BSN: variants seen among roughly 807,000 people sequenced by gnomAD.
The protein encoded by BSN is bassoon presynaptic cytomatrix protein, also known as protein bassoon.
In BSN, 57 loss-of-function variants were observed where a neutral mutation model predicts 264.8. The ratio of observed to expected loss-of-function variants is 0.22; its 90% CI spans 0.17 to 0.27. The LOEUF is 0.27. Among genes scored for constraint, BSN ranks in the 10% least tolerant of loss-of-function variants. BSN has a pLI of 1.00. For synonymous variants in BSN, 2,059 were observed against 2,137.3 expected (o/e 0.96, Z 1.01); for missense variants, 4,615 against 5,232.5 (o/e 0.88, Z 3.64).
At position 49,642,946 on chromosome 3, in the gene BSN, C is replaced by T; in HGVS notation, c.1312C>T (p.Pro438Ser). Residue 438 changes from proline to serine, a missense_variant, in exon 3 of 12, where the codon CCA becomes TCA. Pro to Ser is a moderately conservative substitution (Grantham distance 74). Coordinates refer to ENST00000296452, the MANE Select transcript of BSN (RefSeq NM_003458.4). The surrounding 1 kb of genome is among the most constrained non-coding windows in gnomAD (Gnocchi z 7.0). ...GCCGAAAACTGGGGGAACAACCAGT[C>T]CAAAGCATGGCAGAGCAGAACATCA... The part of the protein sequence containing the change: ...ALPKTGGTTS[P>S]KHGRAEHQAA... The T allele has an allele frequency of 6.2e-7, 1 of 1,614,106 alleles. No individual in the cohort carries two copies. Among genetic ancestry groups the T allele is most frequent in the South Asian group, 1.1e-5 (1 of 91,088 alleles).
chr3:49,653,012 G>C lies in BSN; in HGVS notation c.3456G>C (p.Glu1152Asp), dbSNP rs745787833. 1.2e-6 allele frequency: 2 copies of C among 1,613,614 alleles called. No individual in the cohort carries two copies. Among genetic ancestry groups the C allele is most frequent in the Non-Finnish European group, 1.7e-6 (2 of 1,179,966 alleles). Residue 1152 changes from glutamate (E) to aspartate (D), a missense_variant, in exon 5 of 12, where the codon GAG becomes GAC. Transcript: ENST00000296452. This position sits in a 1 kb window ranked among gnomAD's most constrained non-coding sequence, Gnocchi z 6.3. Reference protein sequence around the residue: ...GPSRLYKSGSEYNLPTFMSLY... With the variant: ...GPSRLYKSGSDYNLPTFMSLY... ...GCCGGCTTTACAAGTCAGGCAGTGA[G>C]TACAACCTGCCCACCTTCATGTCCC... is the stretch of plus-strand genomic sequence containing the variant.
In BSN at chr3:49,614,283, TCTC is replaced by T. The variant is rs370637542; in HGVS notation, c.225-10689_225-10687del. Among the ~76,000 whole-genome samples, 52 of 152,088 alleles carry T rather than the reference TCTC, an allele frequency of 3.4e-4. No homozygotes were observed. In the East Asian group the frequency reaches 8.9e-3, roughly 26 times the overall value. Reference sequence around the variant, plus strand: ...ACCGTGTTAGCCAGGATGGTCTTGATCTCCTGACCTCGTGATCCACCCGCCTTG... The same window carrying T: ...ACCGTGTTAGCCAGGATGGTCTTGATCTGACCTCGTGATCCACCCGCCTTG... On this transcript the variant is annotated intron_variant, in intron 1 of 11. Coordinates refer to ENST00000296452, the MANE Select transcript of BSN (RefSeq NM_003458.4).
At chr3:49,583,817 A>G (rs186230133) in intron 1 of BSN, among the ~76,000 whole-genome samples, 56 of 152,200 alleles carry the variant, frequency 3.7e-4, no homozygotes, top group African/African-American at 1.2e-3. Context: ...AATTTCATCT[A>G]AATTACCTAA....
intron 1 of BSN, among the ~76,000 whole-genome samples, chr3:49,588,473 T>G (rs1047004194): frequency 8.5e-5 from 13 of 152,134 alleles, no homozygotes; most frequent in African/African-American, 3.1e-4. Flanking sequence ...TTTTGAGGGT[T>G]TTTTTTAAAA....
chr3:49,557,678 C>T (rs952909207), intron 1 of BSN, among the ~76,000 whole-genome samples: 6 of 151,380 alleles, frequency 4.0e-5, no homozygotes, highest in African/African-American at 1.5e-4. Flanking sequence ...TCTGGGTTCA[C>T]GCCATTCTCC....
chr3:49,658,152 G>C lies in BSN; in HGVS notation c.8596G>C (p.Glu2866Gln), dbSNP rs770241986. The C allele has an allele frequency of 6.3e-7, 1 of 1,598,202 alleles. No homozygotes were observed. The highest frequency in any genetic ancestry group is 8.5e-7 in the Non-Finnish European group (1 of 1,169,746). The change falls in exon 5 of 12, where the codon GAG becomes CAG. Residue 2866 changes from glutamate (E) to glutamine (Q), a missense_variant. Coordinates refer to ENST00000296452, the MANE Select transcript of BSN (RefSeq NM_003458.4). Reference sequence around the variant, plus strand: ...CCCCACCGCCGAAGAGTCTGCCAAAGAGAGATTCTCCCTCTACCAGCACCA... The same window carrying C: ...CCCCACCGCCGAAGAGTCTGCCAAACAGAGATTCTCCCTCTACCAGCACCA... ...LSPTAEESAK[E>Q]RFSLYQHQGG...
chr3:49,609,276 T>C (rs1027168553), intron 1 of BSN, among the ~76,000 whole-genome samples: 1 of 151,512 alleles, frequency 6.6e-6, no homozygotes, highest in African/African-American at 2.4e-5. Flanking sequence ...TAATTTTTTT[T>C]TTTTTTTGTA....
intron 2 of BSN, among the ~76,000 whole-genome samples, chr3:49,636,012 C>T (rs1438857541): frequency 2.0e-5 from 3 of 152,006 alleles, no homozygotes; most frequent in Admixed American, 2.0e-4. Context: ...CAGTATACTT[C>T]CCACTAAGCA....
chr3:49,641,429 C>T (rs927651111), intron 2 of BSN, among the ~76,000 whole-genome samples: 2 of 152,228 alleles, frequency 1.3e-5, no homozygotes, highest in African/African-American at 4.8e-5. Context: ...CTAACCGACT[C>T]TGTTTGCCAG....
Position 49,554,744 on chromosome 3 carries a change from G to C in BSN, c.142G>C (p.Ala48Pro). 1 of 1,228,958 alleles carries C rather than the reference G, an allele frequency of 8.1e-7. No individual in the cohort carries two copies. Among genetic ancestry groups the C allele is most frequent in the Non-Finnish European group, 1.0e-6 (1 of 983,742 alleles). 76.1% of individuals were successfully genotyped at this position (1,228,958 alleles called of 1,614,324 possible). ...SAPAGGGQLP[A>P]AGAARSTAVP... ...ACCGGCCGGTGGCGGACAGCTCCCCGCGGCGGGAGCAGCGCGGTCGACCGC... is the reference window on the plus strand; with the variant it reads ...ACCGGCCGGTGGCGGACAGCTCCCCCCGGCGGGAGCAGCGCGGTCGACCGC... The change falls in exon 1 of 12, where the codon GCG (alanine) becomes CCG (proline). Residue 48 changes from alanine to proline, a missense_variant. By Grantham distance (27) the Ala-to-Pro change is conservative. Coordinates refer to ENST00000296452, the MANE Select transcript of BSN (RefSeq NM_003458.4).
rs766552409 is a variant in BSN, at chr3:49,554,794, CCCCGGCCCCGGT to C, written c.201_212del (p.Pro71_Gly74del). On this transcript the variant is annotated inframe_deletion, in exon 1 of 12. Coordinates refer to ENST00000296452, the MANE Select transcript of BSN (RefSeq NM_003458.4). ...CGGTACCACCGGTCCCTGGCCCCGG[CCCCGGCCCCGGT>C]CCCGGCCCTGGCCCGGGCAGGTAAG... 3 of 1,223,270 alleles carry C rather than the reference CCCCGGCCCCGGT, an allele frequency of 2.5e-6. No individual in the cohort carries two copies. The highest frequency in any genetic ancestry group is 2.0e-6 in the Non-Finnish European group (2 of 982,940). The allele number at this position is 1,223,270 out of a possible 1,614,324, so 75.8% of individuals were successfully genotyped here.
chr3:49,666,741 C>A (rs776305735), intron 11 of BSN, among the ~76,000 whole-genome samples: 23 of 151,984 alleles, frequency 1.5e-4, no homozygotes, highest in Non-Finnish European at 2.6e-4. Context: ...ATAGCCAGGG[C>A]CACAGTGGAG....
At chr3:49,592,816 T>C (rs996443498) in intron 1 of BSN, among the ~76,000 whole-genome samples, 2 of 152,074 alleles carry the variant, frequency 1.3e-5, no homozygotes, top group Non-Finnish European at 2.9e-5. Context: ...TTCGCAGTGG[T>C]AATGTTTAGC....
chr3:49,654,595 C>G lies in BSN; in HGVS notation c.5039C>G (p.Thr1680Ser). 6.2e-7 allele frequency: 1 copy of G among 1,612,960 alleles called. No homozygotes were observed. Among genetic ancestry groups the G allele is most frequent in the Non-Finnish European group, 8.5e-7 (1 of 1,179,298 alleles). The change falls in exon 5 of 12, where the codon ACT becomes AGT. Residue 1680 changes from threonine (T) to serine (S), a missense_variant. Coordinates refer to ENST00000296452, the MANE Select transcript of BSN (RefSeq NM_003458.4). The surrounding 1 kb of genome is among the most constrained non-coding windows in gnomAD (Gnocchi z 4.1). The stretch of plus-strand genomic sequence containing the variant: ...GTCAAGCCCACTCCCATCATCCTCA[C>G]TGACCAGGGCATGGACCTCACCTCT... ...TAVKPTPIIL[T>S]DQGMDLTSLA...
rs2052749228 is a variant in BSN at position 49,670,827 on chromosome 3, C to T, written c.*3342C>T. The T allele has an allele frequency of 6.6e-6, 1 of 152,282 alleles. No individual in the cohort carries two copies. The highest frequency in any genetic ancestry group is 1.5e-5 in the Non-Finnish European group (1 of 68,070). The allele number at this position is 152,282 out of a possible 1,614,324, so 9.4% of individuals were successfully genotyped here. On this transcript the variant is annotated 3_prime_UTR_variant, in exon 12 of 12. Coordinates refer to ENST00000296452, the MANE Select transcript of BSN (RefSeq NM_003458.4). ...GGTCTGAGGGCCCACAGTGAAAGAACAGCAGTGGTGGCAACTATGCCTTGC... is the reference window on the plus strand; with the variant it reads ...GGTCTGAGGGCCCACAGTGAAAGAATAGCAGTGGTGGCAACTATGCCTTGC...
chr3:49,556,898 C>T (rs766084916), intron 1 of BSN, among the ~76,000 whole-genome samples: 1 of 152,168 alleles, frequency 6.6e-6, no homozygotes, highest in Admixed American at 6.5e-5. Flanking sequence ...TTTTGAATTT[C>T]GGGGCAGTCA....
At position 49,650,747 on chromosome 3, in the gene BSN, C is replaced by T. The variant is rs903477284; in HGVS notation, c.1654C>T (p.Pro552Ser). ...GAPHRASGTS[P>S]LKQKGPQGLG... ...CCCTCACCGTGCATCTGGAACATCC[C>T]CTCTGAAGCAGAAAGGGCCACAGGG... Residue 552 changes from proline (P) to serine (S), a missense_variant, in exon 4 of 12, where the codon CCT becomes TCT. Physicochemically the swap from Pro to Ser is moderately conservative, Grantham distance 74. Coordinates refer to ENST00000296452, the MANE Select transcript of BSN (RefSeq NM_003458.4). 1 of 1,613,698 alleles carries T rather than the reference C, an allele frequency of 6.2e-7. No homozygotes were observed. Among genetic ancestry groups the T allele is most frequent in the South Asian group, 1.1e-5 (1 of 91,084 alleles).
chr3:49,661,052 G>C lies in BSN; in HGVS notation c.9207G>C (p.Gly3069=). Residue 3069 remains glycine (G), a synonymous_variant, in exon 6 of 12, where the codon GGG becomes GGC. Coordinates refer to ENST00000296452, the MANE Select transcript of BSN (RefSeq NM_003458.4). ...CACAGTATTCTGCAGGCAGTGGTGG[G>C]CCAACTCAGAACGGATTCCCAGCCC... The part of the protein sequence containing the change: ...PAPQYSAGSG[G]PTQNGFPAHQ... 2 of 1,611,498 alleles carry C rather than the reference G, an allele frequency of 1.2e-6. No homozygotes were observed. The highest frequency in any genetic ancestry group is 1.7e-6 in the Non-Finnish European group (2 of 1,179,856).
At chr3:49,644,815 G>A (rs1450366416) in intron 3 of BSN, among the ~76,000 whole-genome samples, 1 of 152,196 alleles carries the variant, frequency 6.6e-6, no homozygotes, top group Non-Finnish European at 1.5e-5. Context: ...GAATGTGCAC[G>A]AATGGGAGGG....
Sources: gnomAD v4.1 joint callset for allele counts (sites outside exome capture counted in the v4.1 genomes callset) on GRCh38, gnomAD v4.1.1 for gene constraint, Gnocchi (gnomAD v3.1) non-coding constraint, MANE v1.5 for transcripts, NCBI Gene and HGNC (gene_info 2026-07-23, HGNC 2026-07-21) for gene names.